Variants in RAB8B observed in about 807,000 individuals in gnomAD.
RAB8B encodes RAB8B, member RAS oncogene family.
Under a neutral mutation model 32.0 loss-of-function variants are expected in RAB8B, and 11 were observed. That is an observed-to-expected ratio of 0.34 (90% confidence interval 0.22 to 0.57). The LOEUF is 0.57. Ranked by LOEUF, RAB8B falls within the 20% of genes least tolerant of loss-of-function variation. The pLI is 0.86. For missense variants in RAB8B, 190 were observed against 258.5 expected, an observed-to-expected ratio of 0.73 and a Z score of 1.82; for synonymous variants, 103 against 89.6, an observed-to-expected ratio of 1.15 and a Z score of -0.85.
At chr15:63,237,179 G>T (rs1192199610) in intron 1 of RAB8B, among the ~76,000 whole-genome samples, 1 of 152,226 alleles carries the variant, frequency 6.6e-6, no homozygotes, top group South Asian at 2.1e-4. Context: ...TCCAAATCTT[G>T]GCTATTGTGA....
chr15:63,242,506 G>A (rs1490166981), intron 1 of RAB8B, among the ~76,000 whole-genome samples: 1 of 151,970 alleles, frequency 6.6e-6, no homozygotes, highest in African/African-American at 2.4e-5. Flanking sequence ...GTGAAACCCC[G>A]TCTCCACTAA....
At chr15:63,208,808 T>C (rs1465668262) in intron 1 of RAB8B, among the ~76,000 whole-genome samples, 2 of 152,086 alleles carry the variant, frequency 1.3e-5, no homozygotes, top group Non-Finnish European at 2.9e-5. Context: ...CTGTAGTACT[T>C]TGATCTTTCA....
rs951212482 is a variant in RAB8B at position 63,267,717 on chromosome 15, T to A, written c.*4098T>A. 2.0e-5 allele frequency: 3 copies of A among 152,220 alleles called. No individual in the cohort carries two copies. The highest frequency in any genetic ancestry group is 2.1e-4 in the South Asian group (1 of 4,832). The allele number at this position is 152,220 out of a possible 1,614,324, so 9.4% of individuals were successfully genotyped here. On this transcript the variant is annotated 3_prime_UTR_variant, in exon 8 of 8. Transcript: ENST00000321437. ...TTTTTTAAATGGATTTTATTCCAGG[T>A]GAACTTTTTTTTTATAATAATGTTC...
intron 1 of RAB8B, among the ~76,000 whole-genome samples, chr15:63,242,139 A>G (rs1204953776): frequency 1.3e-5 from 2 of 151,534 alleles, no homozygotes; most frequent in South Asian, 4.2e-4. Context: ...GTGAGGGGAA[A>G]TAATGGTTGA....
rs894749560 is a variant in RAB8B at position 63,218,100 on chromosome 15, C to CT, written c.125-26646dup. Among the ~76,000 whole-genome samples the CT allele has an allele frequency of 1.9e-4, 28 of 147,896 alleles. No homozygotes were observed. The East Asian group carries it at 3.5e-3, about 18-fold the overall frequency. ...TATGTTGTACATGTGGTTATCTGTT[C>CT]TTTTTTTTTTATGCTTCTACCCTTA... On this transcript the variant is annotated intron_variant, in intron 1 of 7. Transcript: ENST00000321437.
intron 2 of RAB8B, among the ~76,000 whole-genome samples, chr15:63,245,245 C>T (rs377049774): frequency 8.5e-5 from 13 of 152,188 alleles, no homozygotes; most frequent in African/African-American, 3.1e-4. Flanking sequence ...TATTTCCCTT[C>T]TCAGGGTCTC....
intron 1 of RAB8B, among the ~76,000 whole-genome samples, chr15:63,229,550 G>A (rs2037917087): frequency 1.3e-5 from 2 of 152,172 alleles, no homozygotes; most frequent in Admixed American, 1.3e-4. Flanking sequence ...GGGAGACCAA[G>A]GCGGGCAGAT....
intron 1 of RAB8B, among the ~76,000 whole-genome samples, chr15:63,200,960 G>C (rs1258832697): frequency 6.6e-6 from 1 of 152,118 alleles, no homozygotes; most frequent in Non-Finnish European, 1.5e-5. Context: ...TGGGATGCAA[G>C]TATATATTCG....
chr15:63,209,167 C>T (rs144990596), intron 1 of RAB8B, among the ~76,000 whole-genome samples: 1 of 151,772 alleles, frequency 6.6e-6, no homozygotes, highest in South Asian at 2.1e-4. Flanking sequence ...CTGGGACCCA[C>T]GATGAATTCC....
intron 1 of RAB8B, among the ~76,000 whole-genome samples, chr15:63,210,030 T>C (rs1033883729): frequency 1.3e-5 from 2 of 152,210 alleles, no homozygotes; most frequent in African/African-American, 4.8e-5. Context: ...GTTAGTTTGC[T>C]GAGAATGACC....
chr15:63,266,673 G>C lies in RAB8B; in HGVS notation c.*3054G>C, dbSNP rs769938899. On this transcript the variant is annotated 3_prime_UTR_variant, in exon 8 of 8. Coordinates refer to ENST00000321437, the MANE Select transcript of RAB8B (RefSeq NM_016530.3). Reference sequence around the variant, plus strand: ...AGGTAGGAAATATTAGTTTAGGATAGAGCATACATGTCATATCCAGTAGCA... The same window carrying C: ...AGGTAGGAAATATTAGTTTAGGATACAGCATACATGTCATATCCAGTAGCA... The C allele has an allele frequency of 3.9e-5, 6 of 152,542 alleles. No homozygotes were observed. Among genetic ancestry groups the C allele is most frequent in the Non-Finnish European group, 7.4e-5 (5 of 67,980 alleles). The allele number at this position is 152,542 out of a possible 1,614,324, so 9.4% of individuals were successfully genotyped here.
intron 2 of RAB8B, 119 bp from the exon 3 acceptor site, chr15:63,249,526 C>T: frequency 1.1e-6 from 1 of 894,246 alleles, no homozygotes; most frequent in Non-Finnish European, 1.7e-6. Flanking sequence ...TCTCATTCTC[C>T]TTTCCTCTGT....
intron 3 of RAB8B, among the ~76,000 whole-genome samples, chr15:63,255,156 A>G (rs1180120125): frequency 6.6e-6 from 1 of 152,010 alleles, no homozygotes; most frequent in Non-Finnish European, 1.5e-5. Flanking sequence ...GAAGTGATTA[A>G]CTCTTACTCT....
chr15:63,260,980 T>C (rs1230990791), intron 6 of RAB8B, among the ~76,000 whole-genome samples: 2 of 152,218 alleles, frequency 1.3e-5, no homozygotes, highest in Non-Finnish European at 2.9e-5. Flanking sequence ...GGTTGGCCGA[T>C]GGGTGTTAGG....
intron 1 of RAB8B, among the ~76,000 whole-genome samples, chr15:63,193,168 T>C (rs1285631688): frequency 6.6e-6 from 1 of 151,946 alleles, no homozygotes; most frequent in Admixed American, 6.5e-5. Flanking sequence ...TCAAGGTTAT[T>C]ACAGTAAGCT....
At chr15:63,207,043 C>T (rs918411362) in intron 1 of RAB8B, among the ~76,000 whole-genome samples, 3 of 152,182 alleles carry the variant, frequency 2.0e-5, no homozygotes, top group Admixed American at 6.5e-5. Flanking sequence ...CTCTTCTAAC[C>T]GCTCCTCCCC....
chr15:63,195,964 C>G (rs950524585), intron 1 of RAB8B, among the ~76,000 whole-genome samples: 7 of 152,146 alleles, frequency 4.6e-5, no homozygotes, highest in Non-Finnish European at 7.3e-5. Context: ...CTGGTGGGAA[C>G]TATGAGTAAG....
chr15:63,258,610 A>G (rs1018549183), intron 5 of RAB8B, among the ~76,000 whole-genome samples: 9 of 152,210 alleles, frequency 5.9e-5, no homozygotes, highest in Non-Finnish European at 1.5e-5. Context: ...TATCGAAATG[A>G]AAGTACACTC....
At chr15:63,256,764 C>T (rs542374881) in intron 5 of RAB8B, among the ~76,000 whole-genome samples, 170 bp downstream of exon 5, 1 of 152,150 alleles carries the variant, frequency 6.6e-6, no homozygotes, top group Admixed American at 6.5e-5. Flanking sequence ...AATTAGTATT[C>T]GAGATCCAGC....
Sources: gnomAD v4.1 joint callset for allele counts (sites outside exome capture counted in the v4.1 genomes callset) on GRCh38, gnomAD v4.1.1 for gene constraint, MANE v1.5 for transcripts, NCBI Gene and HGNC (gene_info 2026-07-23, HGNC 2026-07-21) for gene names.